Variants in MAP3K9 observed in about 807,000 individuals in gnomAD.
The protein encoded by MAP3K9 is mitogen-activated protein kinase kinase kinase 9, also known as mixed lineage kinase 1 (tyr and ser/thr specificity).
A neutral mutation model predicts 95.8 loss-of-function variants in MAP3K9; 46 were observed. The ratio of observed to expected loss-of-function variants is 0.48; its 90% CI spans 0.38 to 0.61. MAP3K9 has a LOEUF of 0.61. MAP3K9 is among the 20% of genes least tolerant of loss of function. The probability of loss-of-function intolerance (pLI) is 0.00; values close to 1 mark genes in which losing one functional copy is unlikely to be tolerated. For synonymous variants in MAP3K9, 533 were observed against 593.8 expected (o/e 0.90, Z 1.49); for missense variants, 1,296 against 1,474.3 (o/e 0.88, Z 1.98).
intron 10 of MAP3K9, 78 bp from the exon 11 acceptor site, chr14:70,733,420 T>G (rs1420763082): frequency 1.5e-6 from 1 of 663,390 alleles, no homozygotes; most frequent in East Asian, 2.7e-5. Flanking sequence ...CCCTTTCCCC[T>G]CACCCCAGGC....
intron 2 of MAP3K9, among the ~76,000 whole-genome samples, chr14:70,781,202 C>T (rs1483148418): frequency 6.6e-6 from 1 of 152,218 alleles, no homozygotes; most frequent in Non-Finnish European, 1.5e-5. Flanking sequence ...TACAGCTTCC[C>T]CATGTTCACT....
At chr14:70,764,503 T>C (rs1197420352) in intron 2 of MAP3K9, among the ~76,000 whole-genome samples, 1 of 151,826 alleles carries the variant, frequency 6.6e-6, no homozygotes, top group Admixed American at 6.6e-5. Context: ...ATGTCCCCTT[T>C]AGGAACCAAG....
intron 2 of MAP3K9, among the ~76,000 whole-genome samples, chr14:70,761,859 C>A (rs1335247204): frequency 1.3e-5 from 2 of 152,134 alleles, no homozygotes; most frequent in African/African-American, 2.4e-5. Context: ...CTGTCTAGTT[C>A]CAAAACATTT....
intron 5 of MAP3K9, among the ~76,000 whole-genome samples, chr14:70,747,408 ATGATTATAAGT>A (rs2054162792): frequency 6.6e-6 from 1 of 152,214 alleles, no homozygotes; most frequent in South Asian, 2.1e-4. Flanking sequence ...GTTTGCTACC[ATGATTATAAGT>A]TTCCTGAGGC....
In MAP3K9 at chr14:70,733,207, G is replaced by T. The variant is rs2053937286; in HGVS notation, c.2162C>A (p.Pro721His). The T allele has an allele frequency of 2.5e-6, 4 of 1,611,328 alleles. No individual in the cohort carries two copies. The Admixed American group carries it at 6.7e-5, about 27-fold the overall frequency. ...GPSSDGIHEE[P>H]TPVNSATSTP... ...ACTCGTGGCCGAGTTGACTGGGGTG[G>T]GCTCCTCATGGATTCCATCACTGGA... The change falls in exon 11 of 12, where the codon CCC becomes CAC. Residue 721 changes from proline (P) to histidine (H), a missense_variant. Around this residue, in one of 5 missense-constraint regions of MAP3K9, gnomAD observed 377 missense variants for 417.1 expected, o/e 0.90. Coordinates refer to ENST00000554752, the MANE Select transcript of MAP3K9 (RefSeq NM_001284230.2).
intron 11 of MAP3K9, among the ~76,000 whole-genome samples, chr14:70,732,006 C>A (rs190067718): frequency 2.6e-5 from 4 of 152,276 alleles, no homozygotes; most frequent in Admixed American, 2.6e-4. Context: ...CTCATCTCCA[C>A]GCCTGAAGAG....
chr14:70,733,671 T>C (rs1038142680), intron 10 of MAP3K9: 35 of 714,220 alleles, frequency 4.9e-5, no homozygotes, highest in African/African-American at 4.5e-4. Context: ...GCATGGCTGG[T>C]GAAGCACAGT....
chr14:70,775,875 G>C (rs1272266282), intron 2 of MAP3K9, among the ~76,000 whole-genome samples: 2 of 152,160 alleles, frequency 1.3e-5, no homozygotes, highest in Admixed American at 6.6e-5. Flanking sequence ...ATTTAAATGA[G>C]AGTGCTTAAG....
chr14:70,778,579 C>T lies in MAP3K9; in HGVS notation c.821-17397G>A, dbSNP rs532082001. Among the ~76,000 whole-genome samples the T allele has an allele frequency of 2.0e-5, 3 of 152,128 alleles. No individual in the cohort carries two copies. The South Asian group carries it at 6.2e-4, about 32-fold the overall frequency. ...GCATGAGCCACTGCACCAGGCCAAA[C>T]TTCTCTCATTCTGGCCATATAAGTC... On this transcript the variant is annotated intron_variant, in intron 2 of 11. Transcript: ENST00000554752.
At chr14:70,757,505 G>A (rs992801729) in intron 3 of MAP3K9, among the ~76,000 whole-genome samples, 2 of 148,246 alleles carry the variant, frequency 1.3e-5, no homozygotes, top group Non-Finnish European at 3.0e-5. Context: ...CTACAGATTT[G>A]ATGCAATTCC....
At chr14:70,763,254 C>T (rs114854585) in intron 2 of MAP3K9, among the ~76,000 whole-genome samples, 1,824 of 152,308 alleles carry the variant, frequency 0.012, 47 homozygotes, top group African/African-American at 0.042. Context: ...ATGGCAAAAA[C>T]AGTCATGCAC....
At chr14:70,777,050 C>T (rs916360429) in intron 2 of MAP3K9, among the ~76,000 whole-genome samples, 2 of 151,906 alleles carry the variant, frequency 1.3e-5, no homozygotes, top group Non-Finnish European at 2.9e-5. Flanking sequence ...AGGCTGGTCT[C>T]GAACTCCTTA....
At chr14:70,742,851 G>C (rs17108473) in intron 5 of MAP3K9, among the ~76,000 whole-genome samples, 6,280 of 151,376 alleles carry the variant, frequency 0.041, 134 homozygotes, top group East Asian at 0.092. Flanking sequence ...AGAAATGGGG[G>C]CTAAGAGTTT....
intron 2 of MAP3K9, among the ~76,000 whole-genome samples, chr14:70,796,817 G>C (rs1460479724): frequency 1.3e-5 from 2 of 152,128 alleles, no homozygotes; most frequent in African/African-American, 4.8e-5. Context: ...CTGGGATGAG[G>C]GAGTGAAAAA....
chr14:70,743,279 C>T lies in MAP3K9; in HGVS notation c.1327-688G>A, dbSNP rs113010829. 1.2e-3 allele frequency among the ~76,000 whole-genome samples: 178 copies of T among 152,084 alleles called. 1 individual carries two copies. Among genetic ancestry groups the T allele is most frequent in the Admixed American group, 4.3e-3 (66 of 15,262 alleles). Reference sequence around the variant, plus strand: ...CTAGGATAACAGGCGTGAGTCACTGCGACAAGCCAAATTTTTTCTATTATA... The same window carrying T: ...CTAGGATAACAGGCGTGAGTCACTGTGACAAGCCAAATTTTTTCTATTATA... On this transcript the variant is annotated intron_variant, in intron 5 of 11. Coordinates refer to ENST00000554752, the MANE Select transcript of MAP3K9 (RefSeq NM_001284230.2).
intron 7 of MAP3K9, among the ~76,000 whole-genome samples, 185 bp from the exon 8 acceptor site, chr14:70,738,583 A>G (rs1392312131): frequency 6.6e-6 from 1 of 152,230 alleles, no homozygotes; most frequent in African/African-American, 2.4e-5. Context: ...CCAATCATTT[A>G]GCTCTCTCAA....
intron 3 of MAP3K9, among the ~76,000 whole-genome samples, chr14:70,758,544 T>C (rs2054327555): frequency 6.6e-6 from 1 of 152,204 alleles, no homozygotes; most frequent in Non-Finnish European, 1.5e-5. Context: ...ATTCCACTCC[T>C]AGGGATAGAC....
intron 2 of MAP3K9, among the ~76,000 whole-genome samples, chr14:70,798,065 G>A (rs1005222925): frequency 6.6e-6 from 1 of 152,102 alleles, no homozygotes; most frequent in African/African-American, 2.4e-5. Context: ...CCCACATAAG[G>A]AAAAAGAAAG....
chr14:70,808,134 A>C (rs2055011864), intron 1 of MAP3K9, among the ~76,000 whole-genome samples: 1 of 152,180 alleles, frequency 6.6e-6, no homozygotes, highest in Non-Finnish European at 1.5e-5. Flanking sequence ...CAACACACAC[A>C]TCCCTCTTAG....
Sources: gnomAD v4.1 joint callset for allele counts (sites outside exome capture counted in the v4.1 genomes callset) on GRCh38, gnomAD v4.1.1 for gene constraint, gnomAD v4.1.1 regional missense constraint, MANE v1.5 for transcripts, NCBI Gene and HGNC (gene_info 2026-07-23, HGNC 2026-07-21) for gene names.